The following TRIM2 variants were observed in gnomAD, a reference collection of about 807,000 sequenced individuals.
TRIM2 encodes tripartite motif containing 2.
TRIM2 carries 20 observed loss-of-function variants against 75.2 expected under a neutral mutation model. The ratio of observed to expected loss-of-function variants is 0.27; its 90% CI spans 0.19 to 0.39. The LOEUF (loss-of-function observed/expected upper bound fraction) is 0.39. TRIM2 is among the 10% of genes least tolerant of loss of function. The pLI is 1.00. For missense variants in TRIM2, 660 were observed against 990.8 expected (o/e 0.67, Z 4.48); for synonymous variants, 373 against 388.3 (o/e 0.96, Z 0.46).
chr4:153,224,083 A>C (rs911297579), intron 1 of TRIM2, among the ~76,000 whole-genome samples: 4 of 152,178 alleles, frequency 2.6e-5, no homozygotes, highest in South Asian at 2.1e-4. Flanking sequence ...TCCCAGCTCC[A>C]CGTGACCTTT....
intron 3 of TRIM2, among the ~76,000 whole-genome samples, chr4:153,279,375 TC>T (rs962805366): frequency 6.6e-6 from 1 of 152,202 alleles, no homozygotes; most frequent in Non-Finnish European, 1.5e-5. Flanking sequence ...TAAAGCAAGT[TC>T]CTGCCCTACA....
chr4:153,247,695 A>AAAAAAC (rs1553974798), intron 1 of TRIM2, among the ~76,000 whole-genome samples: 1 of 151,316 alleles, frequency 6.6e-6, no homozygotes, highest in East Asian at 2.0e-4. Context: ...AAAAAAAAAA[A>AAAAAAC]AAAAAACTGT....
chr4:153,179,923 G>A (rs1040274120), intron 1 of TRIM2, among the ~76,000 whole-genome samples: 45 of 152,162 alleles, frequency 3.0e-4, no homozygotes, highest in African/African-American at 1.1e-3. Flanking sequence ...TTAATGGTGA[G>A]ATTTTTATTG....
chr4:153,210,273 C>T (rs914017405), intron 1 of TRIM2, among the ~76,000 whole-genome samples: 7 of 152,016 alleles, frequency 4.6e-5, no homozygotes, highest in African/African-American at 1.7e-4. Flanking sequence ...CCACATTGGC[C>T]AGGCCGGTCT....
chr4:153,266,557 G>A (rs1205967901), intron 1 of TRIM2, among the ~76,000 whole-genome samples: 2 of 151,770 alleles, frequency 1.3e-5, no homozygotes, highest in Non-Finnish European at 1.5e-5. Context: ...CGGCCAGGAT[G>A]GTCTGGATCT....
intron 3 of TRIM2, among the ~76,000 whole-genome samples, chr4:153,285,542 G>T (rs964515807): frequency 1.3e-5 from 2 of 152,040 alleles, no homozygotes; most frequent in African/African-American, 4.8e-5. Flanking sequence ...ATTTTGGCCA[G>T]CCTGGTCTTG....
At chr4:153,270,051 C>T (rs1232434901) in intron 1 of TRIM2, among the ~76,000 whole-genome samples, 2 of 152,152 alleles carry the variant, frequency 1.3e-5, no homozygotes, top group Non-Finnish European at 2.9e-5. Flanking sequence ...GCCTCAGCCT[C>T]CTGAGTAGCT....
intron 1 of TRIM2, among the ~76,000 whole-genome samples, chr4:153,240,854 G>A (rs190077715): frequency 1.4e-4 from 22 of 152,276 alleles, no homozygotes; most frequent in South Asian, 4.2e-4. Context: ...CGAAGCAGGC[G>A]GATCACAAGG....
In TRIM2 at chr4:153,337,787, T is replaced by C; in HGVS notation, c.*2821T>C. 1 of 985,880 alleles carries C rather than the reference T, an allele frequency of 1.0e-6. No homozygotes were observed. Among genetic ancestry groups the C allele is most frequent in the African/African-American group, 1.7e-5 (1 of 57,366 alleles). 61.1% of individuals were successfully genotyped at this position (985,880 alleles called of 1,614,324 possible). ...GTGTATAGAACCTGTCATACATTCA[T>C]GATAAGTAGCACTGAAAAATTACTC... On this transcript the variant is annotated 3_prime_UTR_variant, in exon 12 of 12. Transcript: ENST00000338700.
At chr4:153,287,924 T>C (rs1172856642) in intron 3 of TRIM2, among the ~76,000 whole-genome samples, 1 of 152,198 alleles carries the variant, frequency 6.6e-6, no homozygotes, top group Non-Finnish European at 1.5e-5. Context: ...CAGGTCAGCT[T>C]GCAGGAATCC....
chr4:153,231,753 T>G (rs1743691188), intron 1 of TRIM2, among the ~76,000 whole-genome samples: 1 of 152,206 alleles, frequency 6.6e-6, no homozygotes, highest in African/African-American at 2.4e-5. Flanking sequence ...GTGTTCTGTG[T>G]CTTCACATAA....
At chr4:153,320,083 C>A (rs904661572) in intron 8 of TRIM2, among the ~76,000 whole-genome samples, 12 of 152,192 alleles carry the variant, frequency 7.9e-5, no homozygotes, top group Admixed American at 6.5e-4. Context: ...AGTGCCTTCT[C>A]TCCCTTTTGA....
intron 6 of TRIM2, chr4:153,307,898 G>C: frequency 1.3e-6 from 1 of 749,854 alleles, no homozygotes; most frequent in Non-Finnish European, 2.5e-6. Context: ...CCATGATTCT[G>C]ATCAGGACCT....
At chr4:153,179,879 T>A (rs1175106643) in intron 1 of TRIM2, among the ~76,000 whole-genome samples, 1 of 152,214 alleles carries the variant, frequency 6.6e-6, no homozygotes, top group Non-Finnish European at 1.5e-5. Context: ...CCAGCCACTG[T>A]GTTGAAGATG....
chr4:153,293,200 G>A (rs879482430), intron 4 of TRIM2, 67 bp downstream of exon 4: 3 of 1,492,734 alleles, frequency 2.0e-6, no homozygotes, highest in African/African-American at 2.8e-5. Context: ...ATGGCCTCTT[G>A]TCTAGGTACA....
At chr4:153,265,496 G>A (rs531773667) in intron 1 of TRIM2, among the ~76,000 whole-genome samples, 2 of 151,726 alleles carry the variant, frequency 1.3e-5, no homozygotes, top group East Asian at 1.9e-4. Flanking sequence ...GGCGCCTGCC[G>A]CCACGCCTGA....
At chr4:153,206,136 C>T (rs544398529) in intron 1 of TRIM2, among the ~76,000 whole-genome samples, 27 of 152,326 alleles carry the variant, frequency 1.8e-4, no homozygotes, top group African/African-American at 6.3e-4. Context: ...GTAGGTGTCC[C>T]ACAGTTTAAC....
At chr4:153,197,359 C>CA (rs780593420) in intron 1 of TRIM2, among the ~76,000 whole-genome samples, 2 of 152,120 alleles carry the variant, frequency 1.3e-5, no homozygotes, top group Non-Finnish European at 2.9e-5. Context: ...TTGCAGCTTT[C>CA]ATTCCTTCTA....
At chr4:153,247,099 C>T (rs1257956512) in intron 1 of TRIM2, among the ~76,000 whole-genome samples, 1 of 152,168 alleles carries the variant, frequency 6.6e-6, no homozygotes, top group East Asian at 1.9e-4. Context: ...TTTAAGAAGG[C>T]TGCTGGCTCT....
Sources: gnomAD v4.1 joint callset for allele counts (sites outside exome capture counted in the v4.1 genomes callset) on GRCh38, gnomAD v4.1.1 for gene constraint, MANE v1.5 for transcripts, NCBI Gene and HGNC (gene_info 2026-07-23, HGNC 2026-07-21) for gene names.